Variants in SUMF1 observed in about 807,000 individuals in gnomAD.
The protein encoded by SUMF1 is sulfatase modifying factor 1.
SUMF1 carries 48 observed loss-of-function variants against 47.6 expected under a neutral mutation model. The ratio of observed to expected loss-of-function variants is 1.01; its 90% CI spans 0.80 to 1.28. The LOEUF (loss-of-function observed/expected upper bound fraction) is 1.28, where lower values mean the gene tolerates loss of function less well. Among genes scored for constraint, SUMF1 ranks in the 50% most tolerant of loss-of-function variants. The pLI is 0.00. For synonymous variants in SUMF1, 230 were observed against 192.1 expected (o/e 1.20, Z -1.63); for missense variants, 571 against 485.4 (o/e 1.18, Z -1.66).
At chr3:4,395,086 G>A (rs1425068375) in intron 7 of SUMF1, among the ~76,000 whole-genome samples, 6 of 152,156 alleles carry the variant, frequency 3.9e-5, no homozygotes, top group East Asian at 3.8e-4. Context: ...AAAGCAGGAA[G>A]TATCATTCTT....
chr3:4,313,125 C>T (rs762422975), intron 8 of SUMF1: 1 of 1,613,974 alleles, frequency 6.2e-7, no homozygotes, highest in Non-Finnish European at 8.5e-7. Flanking sequence ...GTGACCACTG[C>T]AGAAACAGAG....
Position 4,072,497 on chromosome 3 carries a change from G to T in SUMF1, c.1015-3752C>A, listed in dbSNP as rs113581243. ...AGAGAATGAGTTTGACAAGTTGACA[G>T]AAGTAGGCTTCAGAAGGTGGATAAT... On this transcript the variant is annotated intron_variant and NMD_transcript_variant, in intron 8 of 12. Coordinates refer to the SUMF1 transcript ENST00000448413. Among the ~76,000 whole-genome samples the T allele has an allele frequency of 6.2e-3, 938 of 152,296 alleles. 9 individuals carry two copies. Among genetic ancestry groups the T allele is most frequent in the African/African-American group, 0.017 (727 of 41,546 alleles).
At chr3:4,339,966 A>G (rs1699235856) in intron 8 of SUMF1, among the ~76,000 whole-genome samples, 1 of 152,080 alleles carries the variant, frequency 6.6e-6, no homozygotes, top group Admixed American at 6.6e-5. Flanking sequence ...GGTCCCAGCC[A>G]CTCGGGAGGC....
At chr3:4,260,268 T>C (rs957878121) in intron 8 of SUMF1, among the ~76,000 whole-genome samples, 2 of 136,554 alleles carry the variant, frequency 1.5e-5, no homozygotes, top group Non-Finnish European at 3.3e-5. Context: ...ATATCCGTTC[T>C]ATAAAAGACA....
chr3:4,268,777 C>T (rs1410965480), intron 8 of SUMF1, among the ~76,000 whole-genome samples: 1 of 151,970 alleles, frequency 6.6e-6, no homozygotes, highest in Non-Finnish European at 1.5e-5. Flanking sequence ...GCATTTTCTA[C>T]TCAACCACTC....
chr3:4,164,784 T>C (rs901349680), intron 8 of SUMF1, among the ~76,000 whole-genome samples: 1 of 152,116 alleles, frequency 6.6e-6, no homozygotes, highest in African/African-American at 2.4e-5. Flanking sequence ...TTTGGAACTT[T>C]CTCCTGATAT....
intron 3 of SUMF1, among the ~76,000 whole-genome samples, chr3:4,435,191 T>A (rs1033849440): frequency 6.6e-6 from 1 of 152,136 alleles, no homozygotes; most frequent in Non-Finnish European, 1.5e-5. Context: ...CCGCCCAAAG[T>A]GCTGGGACTA....
At chr3:4,091,888 A>T (rs57290467) in intron 8 of SUMF1, among the ~76,000 whole-genome samples, 1,989 of 73,452 alleles carry the variant, frequency 0.027, 60 homozygotes, top group African/African-American at 0.072. Flanking sequence ...TGTGCAATTT[A>T]AAAAAAAAAA....
At chr3:4,215,653 T>G (rs1695905871) in intron 8 of SUMF1, among the ~76,000 whole-genome samples, 1 of 152,146 alleles carries the variant, frequency 6.6e-6, no homozygotes, top group Non-Finnish European at 1.5e-5. Context: ...CCCCATAGTC[T>G]CAGCCCAAAA....
At chr3:4,368,834 C>T (rs78046875) in intron 8 of SUMF1, among the ~76,000 whole-genome samples, 3 of 152,074 alleles carry the variant, frequency 2.0e-5, no homozygotes, top group Non-Finnish European at 4.4e-5. Context: ...AACTCTTGTG[C>T]CCTAGGATTG....
chr3:4,430,122 C>T (rs1702188163), intron 3 of SUMF1, among the ~76,000 whole-genome samples: 2 of 152,118 alleles, frequency 1.3e-5, no homozygotes, highest in African/African-American at 4.8e-5. Context: ...CAATTCAGAA[C>T]TTTTTCCACT....
At chr3:4,149,079 A>G (rs1694258557) in intron 8 of SUMF1, among the ~76,000 whole-genome samples, 1 of 152,168 alleles carries the variant, frequency 6.6e-6, no homozygotes, top group Admixed American at 6.5e-5. Flanking sequence ...CTAACGCTGG[A>G]TTCTCTGGAG....
intron 8 of SUMF1, among the ~76,000 whole-genome samples, chr3:4,174,451 G>T (rs1011855747): frequency 5.3e-5 from 8 of 151,968 alleles, no homozygotes; most frequent in African/African-American, 1.9e-4. Flanking sequence ...TATCCCAGGG[G>T]ATAACACTTT....
chr3:4,216,179 G>A (rs1695919865), intron 8 of SUMF1, among the ~76,000 whole-genome samples: 1 of 152,122 alleles, frequency 6.6e-6, no homozygotes, highest in Admixed American at 6.5e-5. Context: ...CATGGTACTG[G>A]TATCAAAACA....
At chr3:4,297,303 A>C (rs1697872589) in intron 8 of SUMF1, among the ~76,000 whole-genome samples, 1 of 152,192 alleles carries the variant, frequency 6.6e-6, no homozygotes, top group Non-Finnish European at 1.5e-5. Flanking sequence ...AAAAGGATCA[A>C]TTACCATGCT....
intron 8 of SUMF1, among the ~76,000 whole-genome samples, chr3:4,247,657 T>A (rs313649): frequency 0.66 from 99,806 of 151,920 alleles, 34,022 homozygotes; most frequent in African/African-American, 0.84. Context: ...AGCAGCTGAC[T>A]TCTAGACTAA....
chr3:4,112,664 G>C (rs1254084460), intron 8 of SUMF1, among the ~76,000 whole-genome samples: 2 of 152,080 alleles, frequency 1.3e-5, no homozygotes, highest in Non-Finnish European at 2.9e-5. Context: ...AGACTTGGGG[G>C]CTGGATGAGG....
intron 3 of SUMF1, among the ~76,000 whole-genome samples, chr3:4,428,762 T>C (rs188195359): frequency 1.6e-4 from 5 of 31,894 alleles, no homozygotes; most frequent in Admixed American, 1.3e-3. Context: ...TAATTTTACA[T>C]TGAAAAAACA....
At chr3:4,358,645 T>G (rs1345909511), downstream of SUMF1, among the ~76,000 whole-genome samples, 1 of 152,238 alleles carries the variant, frequency 6.6e-6, no homozygotes, top group Non-Finnish European at 1.5e-5. Context: ...AAGTGCCTTC[T>G]TTTAGTGCAT....
Sources: allele counts gnomAD v4.1 joint callset (sites outside exome capture counted in the v4.1 genomes callset), GRCh38; gene constraint gnomAD v4.1.1; transcripts MANE v1.5; gene names NCBI Gene and HGNC (gene_info 2026-07-23, HGNC 2026-07-21).